GRXCR1: variants seen among roughly 807,000 people sequenced by gnomAD.
GRXCR1 encodes glutaredoxin domain-containing cysteine-rich protein 1.
GRXCR1 carries 27 observed loss-of-function variants against 27.3 expected under a neutral mutation model. The observed-to-expected ratio is 0.99, with a 90% confidence interval of 0.73 to 1.37. The LOEUF (loss-of-function observed/expected upper bound fraction) is 1.37, where lower values mean the gene tolerates loss of function less well. Ranked by LOEUF, GRXCR1 falls within the 40% of genes most tolerant of loss-of-function variation. GRXCR1 has a pLI of 0.00. For missense variants in GRXCR1, 379 were observed against 354.4 expected (o/e 1.07, Z -0.56); for synonymous variants, 122 against 131.1 (o/e 0.93, Z 0.47).
chr4:42,908,100 C>G (rs1054986187), intron 1 of GRXCR1, among the ~76,000 whole-genome samples: 3 of 152,214 alleles, frequency 2.0e-5, no homozygotes, highest in Non-Finnish European at 4.4e-5. Context: ...CTCTAAAGCT[C>G]TAGCAGGTGG....
chr4:42,995,547 C>T (rs1387728058), intron 2 of GRXCR1, among the ~76,000 whole-genome samples: 1 of 152,148 alleles, frequency 6.6e-6, no homozygotes, highest in East Asian at 1.9e-4. Context: ...TAGTTTACCA[C>T]ATCCTCACTG....
chr4:42,977,498 C>G, intron 2 of GRXCR1, among the ~76,000 whole-genome samples: 1 of 151,238 alleles, frequency 6.6e-6, no homozygotes, highest in Non-Finnish European at 1.5e-5. Context: ...CTAATATTAG[C>G]CATTCTAGCA....
chr4:42,960,809 T>G (rs1748114966), intron 1 of GRXCR1, among the ~76,000 whole-genome samples: 2 of 151,910 alleles, frequency 1.3e-5, no homozygotes, highest in African/African-American at 4.8e-5. Flanking sequence ...CAGGTATATC[T>G]GATTTTCAAG....
intron 1 of GRXCR1, among the ~76,000 whole-genome samples, chr4:42,922,529 TG>T (rs1356253957): frequency 6.6e-6 from 1 of 152,128 alleles, no homozygotes; most frequent in African/African-American, 2.4e-5. Context: ...TCTGCAGTGC[TG>T]GGTACTTAGA....
intron 2 of GRXCR1, among the ~76,000 whole-genome samples, chr4:43,000,936 T>A (rs1712336046): frequency 6.6e-6 from 1 of 152,034 alleles, no homozygotes; most frequent in African/African-American, 2.4e-5. Flanking sequence ...CTTTTTTCAC[T>A]TTTTTCTTGA....
intron 3 of GRXCR1, among the ~76,000 whole-genome samples, chr4:43,022,331 A>G (rs1713121087): frequency 6.6e-6 from 1 of 152,134 alleles, no homozygotes; most frequent in Admixed American, 6.5e-5. Context: ...TGATTTAGCT[A>G]TTCTGAACTT....
At chr4:42,934,172 C>T (rs1020235092) in intron 1 of GRXCR1, among the ~76,000 whole-genome samples, 1 of 151,404 alleles carries the variant, frequency 6.6e-6, no homozygotes, top group Non-Finnish European at 1.5e-5. Flanking sequence ...AGACAGTTAA[C>T]TGAAAACATA....
chr4:43,011,240 G>A (rs928527525), intron 2 of GRXCR1, among the ~76,000 whole-genome samples: 10 of 152,260 alleles, frequency 6.6e-5, no homozygotes, highest in East Asian at 3.9e-4. Flanking sequence ...TTCCAGGTCC[G>A]TTTTCTCCTT....
chr4:42,943,842 G>T (rs771821902), intron 1 of GRXCR1, among the ~76,000 whole-genome samples: 12 of 151,902 alleles, frequency 7.9e-5, no homozygotes, highest in Non-Finnish European at 1.6e-4. Flanking sequence ...CATCTTGGGG[G>T]TTGCCACTGC....
chr4:42,956,596 T>C (rs976391220), intron 1 of GRXCR1, among the ~76,000 whole-genome samples: 1 of 152,124 alleles, frequency 6.6e-6, no homozygotes, highest in African/African-American at 2.4e-5. Flanking sequence ...AAATCTTTTT[T>C]CAGAACATTT....
At chr4:42,926,377 A>G (rs1414198517) in intron 1 of GRXCR1, among the ~76,000 whole-genome samples, 2 of 152,168 alleles carry the variant, frequency 1.3e-5, no homozygotes, top group African/African-American at 4.8e-5. Flanking sequence ...AGTGCACAGA[A>G]TGGTGCCTGG....
At chr4:42,988,863 G>A (rs2109789857) in intron 2 of GRXCR1, among the ~76,000 whole-genome samples, 1 of 152,248 alleles carries the variant, frequency 6.6e-6, no homozygotes. Context: ...AGGATAAGAA[G>A]ATCAATAAGA....
intron 3 of GRXCR1, among the ~76,000 whole-genome samples, chr4:43,025,524 C>G (rs1018416788): frequency 9.2e-5 from 14 of 152,174 alleles, no homozygotes; most frequent in Admixed American, 8.5e-4. Context: ...CTCTTGAGCT[C>G]CACTCCAAAG....
In GRXCR1 at chr4:42,963,205, A is replaced by G. The variant is rs1288677833; in HGVS notation, c.627+71A>G. The G allele has an allele frequency of 9.0e-6, 14 of 1,552,534 alleles. No individual in the cohort carries two copies. The East Asian group carries it at 2.0e-4, about 22-fold the overall frequency. On this transcript the variant is annotated intron_variant, in intron 2 of 3. Transcript: ENST00000399770. Reference sequence around the variant, plus strand: ...GGCTGATAGAAATCTATAACCATCTATACATTTGCAGCGTAACTACTGGAA... The same window carrying G: ...GGCTGATAGAAATCTATAACCATCTGTACATTTGCAGCGTAACTACTGGAA...
intron 2 of GRXCR1, among the ~76,000 whole-genome samples, chr4:43,000,996 G>A (rs1476766639): frequency 1.3e-5 from 2 of 151,684 alleles, no homozygotes; most frequent in African/African-American, 2.4e-5. Flanking sequence ...GTGCTATCTC[G>A]GCTCACTGCA....
At chr4:42,996,216 C>T (rs1357136053) in intron 2 of GRXCR1, among the ~76,000 whole-genome samples, 1 of 152,122 alleles carries the variant, frequency 6.6e-6, no homozygotes, top group Admixed American at 6.5e-5. Context: ...ATAAATCCTG[C>T]TTTATATGTA....
intron 2 of GRXCR1, among the ~76,000 whole-genome samples, chr4:43,019,956 A>C (rs577907453): frequency 2.6e-5 from 4 of 152,134 alleles, no homozygotes; most frequent in Non-Finnish European, 5.9e-5. Flanking sequence ...GGCCATGTCT[A>C]GTACTGCTTG....
rs1712367853 is a variant in GRXCR1, at chr4:43,001,718, G to A, written c.628-18636G>A. Among the ~76,000 whole-genome samples the A allele has an allele frequency of 2.0e-5, 3 of 152,264 alleles. No homozygotes were observed. The South Asian group carries it at 6.2e-4, about 32-fold the overall frequency. On this transcript the variant is annotated intron_variant, in intron 2 of 3. Coordinates refer to ENST00000399770, the MANE Select transcript of GRXCR1 (RefSeq NM_001080476.3). ...ACTGAGAAAAGAAATAAGACACAGA[G>A]ACAAAGTATAGAGAAGCAACAGTGG...
intron 2 of GRXCR1, among the ~76,000 whole-genome samples, chr4:43,013,987 T>C (rs1017856735): frequency 4.0e-5 from 6 of 149,910 alleles, no homozygotes; most frequent in African/African-American, 1.2e-4. Context: ...GCACTAATTA[T>C]ATAAAACTAA....
Sources: allele counts gnomAD v4.1 joint callset (sites outside exome capture counted in the v4.1 genomes callset), GRCh38; gene constraint gnomAD v4.1.1; transcripts MANE v1.5; gene names NCBI Gene and HGNC (gene_info 2026-07-23, HGNC 2026-07-21).